Variants in GPR61 observed in about 807,000 individuals in gnomAD.
GPR61 encodes the protein G-protein coupled receptor 61.
A neutral mutation model predicts 29.2 loss-of-function variants in GPR61; 15 were observed. The ratio of observed to expected loss-of-function variants is 0.51; its 90% CI spans 0.34 to 0.79. The LOEUF is 0.79. Among genes scored for constraint, GPR61 ranks in the 30% least tolerant of loss-of-function variants. The pLI, the probability that GPR61 is intolerant of heterozygous loss-of-function variation, is 0.01. For synonymous variants in GPR61, 238 were observed against 242.3 expected (o/e 0.98, Z 0.17); for missense variants, 399 against 582.5 (o/e 0.69, Z 3.24).
At position 109,543,852 on chromosome 1, in the gene GPR61, A is replaced by T. The variant is rs1406499173; in HGVS notation, c.830A>T (p.His277Leu). The T allele has an allele frequency of 6.2e-7, 1 of 1,613,130 alleles. No individual in the cohort carries two copies. Among genetic ancestry groups the T allele is most frequent in the Non-Finnish European group, 8.5e-7 (1 of 1,179,996 alleles). Residue 277 changes from histidine (H) to leucine (L), a missense_variant, in exon 2 of 2, where the codon CAC (histidine) becomes CTC (leucine). His to Leu is a moderately conservative substitution (Grantham distance 99). Transcript: ENST00000527748. The surrounding 1 kb of genome is among the most constrained non-coding windows in gnomAD (Gnocchi z 6.8). ...TCGGGGGCCCCCCAGACCACCCCACACCGGACGTTTGGGGGAGGGAAAGCA... is the reference window on the plus strand; with the variant it reads ...TCGGGGGCCCCCCAGACCACCCCACTCCGGACGTTTGGGGGAGGGAAAGCA... Reference protein sequence around the residue: ...TSSGAPQTTPHRTFGGGKAAV... With the variant: ...TSSGAPQTTPLRTFGGGKAAV...
Position 109,543,316 on chromosome 1 carries a change from G to T in GPR61, c.294G>T (p.Met98Ile). Residue 98 changes from methionine to isoleucine, a missense_variant, in exon 2 of 2, where the codon ATG (methionine) becomes ATT (isoleucine). By Grantham distance (10) the Met-to-Ile change is conservative (BLOSUM62 1). Transcript: ENST00000527748. This position sits in a 1 kb window ranked among gnomAD's most constrained non-coding sequence, Gnocchi z 6.8. ...LAALTLMPLA[M>I]LSSSALFDHA... The stretch of plus-strand genomic sequence containing the variant: ...CCCTGACCCTCATGCCCCTGGCCAT[G>T]CTCTCCAGCTCTGCCCTCTTTGACC... 2 of 1,613,930 alleles carry T rather than the reference G, an allele frequency of 1.2e-6. No homozygotes were observed. The highest frequency in any genetic ancestry group is 3.3e-5 in the Admixed American group (2 of 60,022).
Position 109,544,244 on chromosome 1 carries a change from C to T in GPR61, c.1222C>T (p.Pro408Ser). 1 of 1,614,100 alleles carries T rather than the reference C, an allele frequency of 6.2e-7. No individual in the cohort carries two copies. The highest frequency in any genetic ancestry group is 8.5e-7 in the Non-Finnish European group (1 of 1,180,036). The change falls in exon 2 of 2, where the codon CCT becomes TCT. Residue 408 changes from proline (P) to serine (S), a missense_variant. Coordinates refer to ENST00000527748, the MANE Select transcript of GPR61 (RefSeq NM_001393907.1). The surrounding 1 kb of genome is among the most constrained non-coding windows in gnomAD (Gnocchi z 4.6). ...CCTACCCAGCCCCAAGCAGGAGCCA[C>T]CTGCTGTTGACTTTCGAATCCCAGG... is the stretch of plus-strand genomic sequence containing the variant. ...RPLPSPKQEP[P>S]AVDFRIPGQI...
Position 109,543,009 on chromosome 1 carries a change from C to T in GPR61, c.-14C>T. The T allele has an allele frequency of 1.9e-6, 3 of 1,545,094 alleles. No homozygotes were observed. The highest frequency in any genetic ancestry group is 1.2e-5 in the South Asian group (1 of 80,406). On this transcript the variant is annotated 5_prime_UTR_variant, in exon 2 of 2. Coordinates refer to ENST00000527748, the MANE Select transcript of GPR61 (RefSeq NM_001393907.1). The surrounding 1 kb of genome is among the most constrained non-coding windows in gnomAD (Gnocchi z 6.8). ...CTGTGACAGGAGGTACCCTGGGTGCCCTCTTTCGGCCCCATGGAGTCCTCA... is the reference window on the plus strand; with the variant it reads ...CTGTGACAGGAGGTACCCTGGGTGCTCTCTTTCGGCCCCATGGAGTCCTCA...
chr1:109,543,776 C>A lies in GPR61; in HGVS notation c.754C>A (p.Pro252Thr). 1 of 1,613,434 alleles carries A rather than the reference C, an allele frequency of 6.2e-7. No homozygotes were observed. Among genetic ancestry groups the A allele is most frequent in the Non-Finnish European group, 8.5e-7 (1 of 1,180,038 alleles). ...GCCGCTGCCCACGTGGATGGAGACA[C>A]CCCGGCAACGCTCCGAATCTCTCAG... is the stretch of plus-strand genomic sequence containing the variant. ...HGPLPTWMET[P>T]RQRSESLSSR... Residue 252 changes from proline to threonine, a missense_variant, in exon 2 of 2, where the codon CCC (proline) becomes ACC (threonine). Pro to Thr is a conservative substitution (Grantham distance 38, BLOSUM62 -1). Coordinates refer to ENST00000527748, the MANE Select transcript of GPR61 (RefSeq NM_001393907.1). The surrounding 1 kb of genome is among the most constrained non-coding windows in gnomAD (Gnocchi z 6.8).
chr1:109,543,404 C>T lies in GPR61; in HGVS notation c.382C>T (p.Leu128=), dbSNP rs749007634. Residue 128 remains leucine (L), a synonymous_variant, in exon 2 of 2, where the codon CTG becomes TTG. Transcript: ENST00000527748. This position sits in a 1 kb window ranked among gnomAD's most constrained non-coding sequence, Gnocchi z 6.8. ...YLFLSVCFVS[L]AILSVSAINV... ...GTTTCTGAGCGTGTGCTTTGTCAGC[C>T]TGGCCATCCTCTCGGTGTCAGCCAT... The T allele has an allele frequency of 3.7e-6, 6 of 1,611,898 alleles. No homozygotes were observed. In the South Asian group the frequency reaches 5.5e-5, roughly 15 times the overall value.
In GPR61 at chr1:109,544,273, G is replaced by A. The variant is rs1476739698; in HGVS notation, c.1251G>A (p.Gln417=). 1.2e-6 allele frequency: 2 copies of A among 1,613,872 alleles called. No homozygotes were observed. Among genetic ancestry groups the A allele is most frequent in the East Asian group, 4.5e-5 (2 of 44,896 alleles). The change falls in exon 2 of 2, where the codon CAG becomes CAA. Residue 417 remains glutamine, a synonymous_variant. Transcript: ENST00000527748. This position sits in a 1 kb window ranked among gnomAD's most constrained non-coding sequence, Gnocchi z 4.6. ...CTGTTGACTTTCGAATCCCAGGCCA[G>A]ATAGCTGAGGAGACCTCTGAGTTCC... The part of the protein sequence containing the change: ...PPAVDFRIPG[Q]IAEETSEFLE...
In GPR61 at chr1:109,544,156, G is replaced by A; in HGVS notation, c.1134G>A (p.Glu378=). The change falls in exon 2 of 2, where the codon GAG becomes GAA. Residue 378 remains glutamate (E), a synonymous_variant. Coordinates refer to ENST00000527748, the MANE Select transcript of GPR61 (RefSeq NM_001393907.1). The surrounding 1 kb of genome is among the most constrained non-coding windows in gnomAD (Gnocchi z 4.6). The part of the protein sequence containing the change: ...LRLPSREGSI[E]ENFLQFLQGT... ...TGCCTAGCCGGGAGGGCTCCATTGAGGAGAACTTCCTGCAGTTCCTTCAGG... is the reference window on the plus strand; with the variant it reads ...TGCCTAGCCGGGAGGGCTCCATTGAAGAGAACTTCCTGCAGTTCCTTCAGG... 1 of 1,614,066 alleles carries A rather than the reference G, an allele frequency of 6.2e-7. No individual in the cohort carries two copies. Among genetic ancestry groups the A allele is most frequent in the Admixed American group, 1.7e-5 (1 of 60,024 alleles).
intron 1 of GPR61, 93 bp from the exon 2 acceptor site, chr1:109,542,329 A>G (rs898130047): frequency 4.1e-5 from 10 of 246,776 alleles, no homozygotes; most frequent in East Asian, 3.4e-4. Flanking sequence ...CGCCGTATCA[A>G]TGCTACTGCT....
intron 1 of GPR61, 165 bp downstream of exon 1, chr1:109,540,118 T>C (rs1055848027): frequency 6.6e-6 from 1 of 152,100 alleles, no homozygotes; most frequent in Non-Finnish European, 1.5e-5. Context: ...AAGGCGGTAT[T>C]GGGGTGTGGG....
Position 109,543,551 on chromosome 1 carries a change from C to T in GPR61, c.529C>T (p.Pro177Ser). 6.2e-7 allele frequency: 1 copy of T among 1,614,144 alleles called. No homozygotes were observed. The highest frequency in any genetic ancestry group is 8.5e-7 in the Non-Finnish European group (1 of 1,180,028). Reference sequence around the variant, plus strand: ...GAAGGCCTTGGCCATGGCTTCTGTGCCAGTGTTGGGAAGGGTCTCCTGGGA... The same window carrying T: ...GAAGGCCTTGGCCATGGCTTCTGTGTCAGTGTTGGGAAGGGTCTCCTGGGA... ...WVKALAMASV[P>S]VLGRVSWEEG... Residue 177 changes from proline (P) to serine (S), a missense_variant, in exon 2 of 2, where the codon CCA becomes TCA. Transcript: ENST00000527748. This position sits in a 1 kb window ranked among gnomAD's most constrained non-coding sequence, Gnocchi z 6.8.
Position 109,543,496 on chromosome 1 carries a change from G to C in GPR61, c.474G>C (p.Leu158=). 1 of 1,614,040 alleles carries C rather than the reference G, an allele frequency of 6.2e-7. No homozygotes were observed. Among genetic ancestry groups the C allele is most frequent in the Non-Finnish European group, 8.5e-7 (1 of 1,179,968 alleles). ...MRYEVRMTLG[L]VASVLVGVWV... Reference sequence around the variant, plus strand: ...ACGAGGTGCGCATGACGCTGGGGCTGGTGGCCTCTGTGCTGGTGGGTGTGT... The same window carrying C: ...ACGAGGTGCGCATGACGCTGGGGCTCGTGGCCTCTGTGCTGGTGGGTGTGT... The change falls in exon 2 of 2, where the codon CTG becomes CTC. Residue 158 remains leucine, a synonymous_variant. Transcript: ENST00000527748. This position sits in a 1 kb window ranked among gnomAD's most constrained non-coding sequence, Gnocchi z 6.8.
chr1:109,542,336 T>G (rs1647664807), intron 1 of GPR61, 86 bp from the exon 2 acceptor site: 2 of 249,120 alleles, frequency 8.0e-6, no homozygotes, highest in South Asian at 1.0e-4. Flanking sequence ...TCAATGCTAC[T>G]GCTTGTCATT....
Position 109,544,243 on chromosome 1 carries a change from A to C in GPR61, c.1221A>C (p.Pro407=), listed in dbSNP as rs1277978702. The change falls in exon 2 of 2, where the codon CCA becomes CCC. Residue 407 remains proline (P), a synonymous_variant. Transcript: ENST00000527748. The surrounding 1 kb of genome is among the most constrained non-coding windows in gnomAD (Gnocchi z 4.6). The part of the protein sequence containing the change: ...SRPLPSPKQE[P]PAVDFRIPGQ... The stretch of plus-strand genomic sequence containing the variant: ...CCCTACCCAGCCCCAAGCAGGAGCC[A>C]CCTGCTGTTGACTTTCGAATCCCAG... The C allele has an allele frequency of 6.2e-7, 1 of 1,613,974 alleles. No homozygotes were observed. Among genetic ancestry groups the C allele is most frequent in the Admixed American group, 1.7e-5 (1 of 60,022 alleles).
chr1:109,543,467 C>T lies in GPR61; in HGVS notation c.445C>T (p.Arg149Cys), dbSNP rs1476332396. The T allele has an allele frequency of 6.2e-7, 1 of 1,613,734 alleles. No homozygotes were observed. The change falls in exon 2 of 2, where the codon CGC (arginine) becomes TGC (cysteine). Residue 149 changes from arginine to cysteine, a missense_variant. Arg to Cys is a radical substitution (Grantham distance 180). Around this residue, in one of 3 missense-constraint regions of GPR61, gnomAD observed 320 missense variants for 459.8 expected, o/e 0.70. Coordinates refer to ENST00000527748, the MANE Select transcript of GPR61 (RefSeq NM_001393907.1). The surrounding 1 kb of genome is among the most constrained non-coding windows in gnomAD (Gnocchi z 6.8). ...CTACTATTACGTAGTCCACCCCATG[C>T]GCTACGAGGTGCGCATGACGCTGGG... is the stretch of plus-strand genomic sequence containing the variant. The part of the protein sequence containing the change: ...ERYYYVVHPM[R>C]YEVRMTLGLV...
rs987338880 is a variant in GPR61 at position 109,544,481 on chromosome 1, G to C, written c.*103G>C. 18 of 827,732 alleles carry C rather than the reference G, an allele frequency of 2.2e-5. No individual in the cohort carries two copies. The highest frequency in any genetic ancestry group is 3.3e-5 in the Non-Finnish European group (17 of 518,424). The allele number at this position is 827,732 out of a possible 1,614,324, so 51.3% of individuals were successfully genotyped here. On this transcript the variant is annotated 3_prime_UTR_variant, in exon 2 of 2. Coordinates refer to ENST00000527748, the MANE Select transcript of GPR61 (RefSeq NM_001393907.1). The surrounding 1 kb of genome is among the most constrained non-coding windows in gnomAD (Gnocchi z 4.6). ...TCCCAGCTGGCTAGGGCTGAGGCTG[G>C]GGTCTCTGCACACAGCTTTTGCTTA...
intron 1 of GPR61, among the ~76,000 whole-genome samples, chr1:109,540,936 C>A (rs1368736352): frequency 6.6e-6 from 1 of 152,214 alleles, no homozygotes; most frequent in Non-Finnish European, 1.5e-5. Context: ...AGGTCTGCTT[C>A]CCTCCGTCTG....
chr1:109,544,411 T>C lies in GPR61; in HGVS notation c.*33T>C. On this transcript the variant is annotated 3_prime_UTR_variant, in exon 2 of 2. Coordinates refer to ENST00000527748, the MANE Select transcript of GPR61 (RefSeq NM_001393907.1). This position sits in a 1 kb window ranked among gnomAD's most constrained non-coding sequence, Gnocchi z 4.6. Reference sequence around the variant, plus strand: ...CTGGACACTCGGAGGGATATGGGGCTGGGGCCAGTTATGATTGCAAGGACC... The same window carrying C: ...CTGGACACTCGGAGGGATATGGGGCCGGGGCCAGTTATGATTGCAAGGACC... 1 of 1,521,710 alleles carries C rather than the reference T, an allele frequency of 6.6e-7. No individual in the cohort carries two copies. Among genetic ancestry groups the C allele is most frequent in the Non-Finnish European group, 9.0e-7 (1 of 1,107,064 alleles). The allele number at this position is 1,521,710 out of a possible 1,614,324, so 94.3% of individuals were successfully genotyped here.
In GPR61 at chr1:109,546,306, C is replaced by T. The variant is rs185804900; in HGVS notation, c.*1928C>T. 6.6e-5 allele frequency: 10 copies of T among 152,214 alleles called. No individual in the cohort carries two copies. The East Asian group carries it at 1.9e-3, about 29-fold the overall frequency. The allele number at this position is 152,214 out of a possible 1,614,324, so 9.4% of individuals were successfully genotyped here. On this transcript the variant is annotated 3_prime_UTR_variant, in exon 2 of 2. Coordinates refer to ENST00000527748, the MANE Select transcript of GPR61 (RefSeq NM_001393907.1). ...ACATAGTATATATAGGGAGGAGAGT[C>T]CTTTGTGATTGAAAAACATGTTCAC...
chr1:109,543,418 G>A lies in GPR61; in HGVS notation c.396G>A (p.Ser132=), dbSNP rs747436555. Reference sequence around the variant, plus strand: ...GCTTTGTCAGCCTGGCCATCCTCTCGGTGTCAGCCATCAATGTGGAGCGCT... The same window carrying A: ...GCTTTGTCAGCCTGGCCATCCTCTCAGTGTCAGCCATCAATGTGGAGCGCT... ...SVCFVSLAIL[S]VSAINVERYY... The change falls in exon 2 of 2, where the codon TCG becomes TCA. Residue 132 remains serine, a synonymous_variant. Coordinates refer to ENST00000527748, the MANE Select transcript of GPR61 (RefSeq NM_001393907.1). This position sits in a 1 kb window ranked among gnomAD's most constrained non-coding sequence, Gnocchi z 6.8. 6.8e-6 allele frequency: 11 copies of A among 1,611,704 alleles called. No homozygotes were observed. The highest frequency in any genetic ancestry group is 3.3e-5 in the Admixed American group (2 of 59,976).
Sources: allele counts gnomAD v4.1 joint callset (sites outside exome capture counted in the v4.1 genomes callset), GRCh38; gene constraint gnomAD v4.1.1; regional missense constraint gnomAD v4.1.1; non-coding constraint Gnocchi (gnomAD v3.1); transcripts MANE v1.5; gene names NCBI Gene and HGNC (gene_info 2026-07-23, HGNC 2026-07-21).